ACSS2: variants seen among roughly 807,000 people sequenced by gnomAD.
ACSS2 encodes acetyl-coenzyme A synthetase, cytoplasmic.
A neutral mutation model predicts 90.6 loss-of-function variants in ACSS2; 58 were observed. That is an observed-to-expected ratio of 0.64 (90% confidence interval 0.52 to 0.80). The LOEUF (loss-of-function observed/expected upper bound fraction) is 0.80, where lower values mean the gene tolerates loss of function less well. Ranked by LOEUF, ACSS2 falls within the 30% of genes least tolerant of loss-of-function variation. The pLI is 0.00. For missense variants in ACSS2, 759 were observed against 912.0 expected, an observed-to-expected ratio of 0.83 and a Z score of 2.16; for synonymous variants, 300 against 330.9, an observed-to-expected ratio of 0.91 and a Z score of 1.01.
At chr20:34,895,098 TTAAAA>T (rs1378117854) in intron 2 of ACSS2, among the ~76,000 whole-genome samples, 1 of 152,216 alleles carries the variant, frequency 6.6e-6, no homozygotes, top group African/African-American at 2.4e-5. Flanking sequence ...CCTTAAACTC[TTAAAA>T]TTATATACCT....
intron 2 of ACSS2, among the ~76,000 whole-genome samples, chr20:34,907,096 C>T (rs574141738): frequency 7.9e-4 from 118 of 148,436 alleles, no homozygotes; most frequent in Non-Finnish European, 1.4e-3. Flanking sequence ...AATAATGGAA[C>T]GTTTCATGAA....
At chr20:34,904,444 A>G (rs962448612) in intron 2 of ACSS2, among the ~76,000 whole-genome samples, 4 of 152,088 alleles carry the variant, frequency 2.6e-5, no homozygotes, top group African/African-American at 7.2e-5. Flanking sequence ...AGGGAGAGGA[A>G]GAGAGAATAG....
intron 2 of ACSS2, among the ~76,000 whole-genome samples, chr20:34,911,100 G>T (rs1001664673): frequency 6.6e-6 from 1 of 151,840 alleles, no homozygotes; most frequent in African/African-American, 2.4e-5. Flanking sequence ...AAAGTGTTGG[G>T]ATTACAGGCA....
intron 2 of ACSS2, among the ~76,000 whole-genome samples, chr20:34,909,200 A>G (rs564344771): frequency 6.7e-6 from 1 of 149,628 alleles, no homozygotes; most frequent in African/African-American, 2.5e-5. Flanking sequence ...TTTGCAAAAA[A>G]AAAAAAAAAA....
intron 1 of ACSS2, among the ~76,000 whole-genome samples, chr20:34,880,385 A>C (rs2080041335): frequency 6.6e-6 from 1 of 151,894 alleles, no homozygotes; most frequent in South Asian, 2.1e-4. Context: ...CTGTTTCTAC[A>C]AAACAAACAA....
chr20:34,918,342 T>G (rs1444760019), intron 7 of ACSS2, among the ~76,000 whole-genome samples: 3 of 152,202 alleles, frequency 2.0e-5, no homozygotes, highest in African/African-American at 7.2e-5. Flanking sequence ...ACTGAAGATT[T>G]TGGACAAATT....
chr20:34,909,711 T>G (rs1027369518), intron 2 of ACSS2, among the ~76,000 whole-genome samples: 1 of 151,568 alleles, frequency 6.6e-6, no homozygotes, highest in African/African-American at 2.4e-5. Flanking sequence ...TGAACAACAT[T>G]AAAATCCTTT....
chr20:34,890,943 A>C (rs2080319065), intron 2 of ACSS2, among the ~76,000 whole-genome samples: 1 of 129,336 alleles, frequency 7.7e-6, no homozygotes, highest in African/African-American at 2.8e-5. Flanking sequence ...TGTGTATTTG[A>C]GGCCAAAAAA....
intron 2 of ACSS2, among the ~76,000 whole-genome samples, chr20:34,902,715 A>T (rs1208760296): frequency 6.9e-6 from 1 of 145,034 alleles, no homozygotes; most frequent in South Asian, 2.1e-4. Flanking sequence ...TTGTTGTTTA[A>T]TTAATTAATT....
chr20:34,917,875 C>T (rs2081109108), intron 7 of ACSS2, among the ~76,000 whole-genome samples: 1 of 152,158 alleles, frequency 6.6e-6, no homozygotes, highest in Admixed American at 6.6e-5. Flanking sequence ...GCCTCACCCT[C>T]CCAAGTAGCT....
At chr20:34,901,304 C>T (rs957997190) in intron 2 of ACSS2, among the ~76,000 whole-genome samples, 1 of 151,966 alleles carries the variant, frequency 6.6e-6, no homozygotes, top group Non-Finnish European at 1.5e-5. Flanking sequence ...CTTTGTTGTC[C>T]AGTCTAGTCT....
chr20:34,904,307 A>G lies in ACSS2; in HGVS notation c.375-8789A>G, dbSNP rs60103787. Among the ~76,000 whole-genome samples, 335 of 152,086 alleles carry G rather than the reference A, an allele frequency of 2.2e-3. 3 individuals are homozygous for G. The highest frequency in any genetic ancestry group is 7.4e-3 in the African/African-American group (307 of 41,480). ...CCAACATTTGAGCAACGACTCAAAG[A>G]TAGGGAATAAGTCATGTGGCTATCT... On this transcript the variant is annotated intron_variant, in intron 2 of 17. Transcript: ENST00000360596.
chr20:34,894,191 T>G (rs936653113), intron 2 of ACSS2, among the ~76,000 whole-genome samples: 2 of 152,102 alleles, frequency 1.3e-5, no homozygotes, highest in African/African-American at 4.8e-5. Flanking sequence ...CTGCCACATA[T>G]AGTGAGTTAG....
At chr20:34,909,011 A>C (rs573718764) in intron 2 of ACSS2, 1 of 411,548 alleles carries the variant, frequency 2.4e-6, no homozygotes, top group South Asian at 1.8e-5. Flanking sequence ...ATTACAGTAC[A>C]TACAAATAGT....
intron 1 of ACSS2, 48 bp from the exon 2 acceptor site, chr20:34,882,746 A>C (rs192729072): frequency 1.3e-6 from 2 of 1,576,008 alleles, no homozygotes; most frequent in Admixed American, 1.7e-5. Context: ...CTGAGGCTAA[A>C]TATGTCTCAG....
At chr20:34,896,819 G>A (rs1015085339) in intron 2 of ACSS2, among the ~76,000 whole-genome samples, 5 of 152,298 alleles carry the variant, frequency 3.3e-5, no homozygotes, top group Admixed American at 3.3e-4. Context: ...CAAGGCGGGC[G>A]GATCACTTGA....
chr20:34,927,041 T>C lies in ACSS2; in HGVS notation c.1979-46T>C. 1 of 1,613,850 alleles carries C rather than the reference T, an allele frequency of 6.2e-7. No individual in the cohort carries two copies. The highest frequency in any genetic ancestry group is 1.1e-5 in the South Asian group (1 of 91,056). On this transcript the variant is annotated intron_variant, in intron 17 of 17. Coordinates refer to ENST00000360596, the MANE Select transcript of ACSS2 (RefSeq NM_018677.4). The surrounding 1 kb of genome is among the most constrained non-coding windows in gnomAD (Gnocchi z 4.2). ...ATGAAAGCCTTTGGCAGGGCTAGGG[T>C]GGGTCAGTGCTTTCACCAAGTAACT...
intron 14 of ACSS2, among the ~76,000 whole-genome samples, chr20:34,924,427 T>G (rs926878798): frequency 3.3e-5 from 5 of 152,200 alleles, no homozygotes; most frequent in Non-Finnish European, 7.3e-5. Flanking sequence ...AGAAGACTTC[T>G]CTGAATTGAC....
intron 2 of ACSS2, among the ~76,000 whole-genome samples, chr20:34,902,805 A>G (rs905844872): frequency 2.0e-4 from 30 of 151,562 alleles, no homozygotes; most frequent in Admixed American, 6.6e-4. Flanking sequence ...AGCTCACTGT[A>G]ATCTCCACCT....
Sources: allele counts gnomAD v4.1 joint callset (sites outside exome capture counted in the v4.1 genomes callset), GRCh38; gene constraint gnomAD v4.1.1; non-coding constraint Gnocchi (gnomAD v3.1); transcripts MANE v1.5; gene names NCBI Gene and HGNC (gene_info 2026-07-23, HGNC 2026-07-21).